The following LRP1 variants were observed in gnomAD, a reference collection of about 807,000 sequenced individuals.
LRP1 encodes LDL receptor related protein 1.
LRP1 carries 51 observed loss-of-function variants against 541.5 expected under a neutral mutation model. The ratio of observed to expected loss-of-function variants is 0.09; its 90% CI spans 0.08 to 0.12. The LOEUF (loss-of-function observed/expected upper bound fraction) is 0.12, where lower values mean the gene tolerates loss of function less well. LRP1 is among the 10% of genes least tolerant of loss of function. The probability of loss-of-function intolerance (pLI) is 1.00; values close to 1 mark genes in which losing one functional copy is unlikely to be tolerated. For synonymous variants in LRP1, 2,219 were observed against 2,470.8 expected (o/e 0.90, Z 3.02); for missense variants, 3,878 against 6,376.2 (o/e 0.61, Z 13.34).
chr12:57,180,806 G>A lies in LRP1; in HGVS notation c.5526G>A (p.Leu1842=), dbSNP rs770576830. The change falls in exon 33 of 89, where the codon CTG becomes CTA. Residue 1842 remains leucine (L), a splice_region_variant and synonymous_variant. Transcript: ENST00000243077. ...HMKVYDESIQ[L]DHKGTNPCSV... The stretch of plus-strand genomic sequence containing the variant: ...AGGTCTATGACGAGAGCATCCAGCT[G>A]GGTAGGTGCGAGGCCGGGCGGCCGC... 1 of 1,613,768 alleles carries A rather than the reference G, an allele frequency of 6.2e-7. No individual in the cohort carries two copies. The highest frequency in any genetic ancestry group is 1.1e-5 in the South Asian group (1 of 91,088).
rs7965424 is a variant in LRP1, at chr12:57,204,088, G to A, written c.10952-322G>A. 139,157 of 242,312 alleles carry A rather than the reference G, an allele frequency of 0.57. 42,567 individuals carry two copies. The highest frequency in any genetic ancestry group is 0.75 in the South Asian group (4,923 of 6,562). 15.0% of individuals were successfully genotyped at this position (242,312 alleles called of 1,614,324 possible). A position where few individuals can be genotyped will look rare whatever the true frequency, so the allele number is the denominator to read the frequency against. On this transcript the variant is annotated intron_variant, in intron 70 of 88. Transcript: ENST00000243077. This position sits in a 1 kb window ranked among gnomAD's most constrained non-coding sequence, Gnocchi z 5.3. ...CCATTCCCAGCCCAGTGCTGTTCCC[G>A]CGTCCCCGCTGTGGAACTACACAGC...
chr12:57,199,518 C>G (rs2036604068), intron 61 of LRP1, 118 bp downstream of exon 61: 3 of 1,138,690 alleles, frequency 2.6e-6, no homozygotes, highest in Non-Finnish European at 3.7e-6. Context: ...CACTGGGAGA[C>G]TCCAGGAGGG....
intron 1 of LRP1, among the ~76,000 whole-genome samples, chr12:57,133,213 G>C (rs1031668663): frequency 5.3e-5 from 8 of 152,130 alleles, no homozygotes; most frequent in South Asian, 2.1e-4. Flanking sequence ...TGGCTGGGGT[G>C]GGGGGAGAAG....
intron 52 of LRP1, 86 bp from the exon 53 acceptor site, chr12:57,195,572 C>A: frequency 6.2e-7 from 1 of 1,601,908 alleles, no homozygotes. Context: ...GCCCACTCTA[C>A]CAGGAGAACC....
rs768138410 is a variant in LRP1, at chr12:57,202,503, C to T, written c.10677C>T (p.Asn3559=). ...GCCGCTGGCAGTGCGACTACGACAA[C>T]GATTGCGGTGACAACTCCGATGAAG... ...VPGRWQCDYD[N]DCGDNSDEES... The change falls in exon 68 of 89, where the codon AAC becomes AAT. Residue 3559 remains asparagine, a synonymous_variant. Coordinates refer to ENST00000243077, the MANE Select transcript of LRP1 (RefSeq NM_002332.3). 19 of 1,613,286 alleles carry T rather than the reference C, an allele frequency of 1.2e-5. No individual in the cohort carries two copies. The highest frequency in any genetic ancestry group is 1.0e-4 in the Admixed American group (6 of 59,982).
chr12:57,164,649 C>G (rs1040006399), intron 15 of LRP1: 1 of 152,060 alleles, frequency 6.6e-6, no homozygotes, highest in African/African-American at 2.4e-5. Flanking sequence ...AAACTGAGGC[C>G]CAAAGTTAGA....
intron 69 of LRP1, 28 bp downstream of exon 69, chr12:57,203,315 A>G: frequency 2.5e-6 from 4 of 1,594,268 alleles, no homozygotes; most frequent in Non-Finnish European, 3.4e-6. Flanking sequence ...AAGGAAGCAG[A>G]TGGCCTCAGA....
rs2036329385 is a variant in LRP1, at chr12:57,189,277, C to T, written c.7032-1528C>T. 6.6e-6 allele frequency among the ~76,000 whole-genome samples: 1 copy of T among 152,160 alleles called. No homozygotes were observed. The highest frequency in any genetic ancestry group is 1.5e-5 in the Non-Finnish European group (1 of 68,036). ...CTCACTGCAGGTGTGAGTAGTTTCACCTGAGGTGTAGGAGTTCCTGGTGGG... is the reference window on the plus strand; with the variant it reads ...CTCACTGCAGGTGTGAGTAGTTTCATCTGAGGTGTAGGAGTTCCTGGTGGG... On this transcript the variant is annotated intron_variant, in intron 42 of 88. Coordinates refer to ENST00000243077, the MANE Select transcript of LRP1 (RefSeq NM_002332.3). This position sits in a 1 kb window ranked among gnomAD's most constrained non-coding sequence, Gnocchi z 4.4.
Position 57,204,846 on chromosome 12 carries a change from C to T in LRP1, c.11194+97C>T. On this transcript the variant is annotated intron_variant, in intron 72 of 88. Coordinates refer to ENST00000243077, the MANE Select transcript of LRP1 (RefSeq NM_002332.3). The surrounding 1 kb of genome is among the most constrained non-coding windows in gnomAD (Gnocchi z 5.3). ...GAGCTGCACTGGGGTTAGGGTTAAC[C>T]AGGAGGACTCGCCCAGGAAGGGGAG... The T allele has an allele frequency of 6.5e-7, 1 of 1,543,818 alleles. No homozygotes were observed. The highest frequency in any genetic ancestry group is 8.8e-7 in the Non-Finnish European group (1 of 1,134,920).
intron 1 of LRP1, among the ~76,000 whole-genome samples, chr12:57,131,053 A>T (rs2035027997): frequency 6.6e-6 from 1 of 152,140 alleles, no homozygotes; most frequent in Non-Finnish European, 1.5e-5. Flanking sequence ...AGCCTAGGGG[A>T]TCCCTTATCC....
At chr12:57,141,904 G>A (rs966490996) in intron 3 of LRP1, among the ~76,000 whole-genome samples, 1 of 152,192 alleles carries the variant, frequency 6.6e-6, no homozygotes, top group Non-Finnish European at 1.5e-5. Context: ...CAGAGGTGCT[G>A]TGACTAAAGC....
In LRP1 at chr12:57,183,263, A is replaced by C; in HGVS notation, c.5663-116A>C. ...TGTGTGTGCTGGGTGGAGGATAGGG[A>C]TGATGGTGGGGGGGGATGATATCAA... On this transcript the variant is annotated intron_variant, in intron 34 of 88. Coordinates refer to ENST00000243077, the MANE Select transcript of LRP1 (RefSeq NM_002332.3). This position sits in a 1 kb window ranked among gnomAD's most constrained non-coding sequence, Gnocchi z 6.1. The C allele has an allele frequency of 8.6e-7, 1 of 1,164,696 alleles. No homozygotes were observed. Among genetic ancestry groups the C allele is most frequent in the South Asian group, 1.4e-5 (1 of 70,056 alleles). The allele number at this position is 1,164,696 out of a possible 1,614,324, so 72.1% of individuals were successfully genotyped here.
chr12:57,205,392 G>A lies in LRP1; in HGVS notation c.11377G>A (p.Gly3793Arg). 1 of 1,608,742 alleles carries A rather than the reference G, an allele frequency of 6.2e-7. No homozygotes were observed. Among genetic ancestry groups the A allele is most frequent in the Non-Finnish European group, 8.5e-7 (1 of 1,179,444 alleles). ...CTGCGCCACCAATGCCAGCATCTGT[G>A]GGGACGAGGCACGCTGCGTGCGCAC... The part of the protein sequence containing the change: ...TSCATNASIC[G>R]DEARCVRTEK... Residue 3793 changes from glycine (G) to arginine (R), a missense_variant, in exon 74 of 89, where the codon GGG (glycine) becomes AGG (arginine). Transcript: ENST00000243077. The surrounding 1 kb of genome is among the most constrained non-coding windows in gnomAD (Gnocchi z 4.6).
chr12:57,211,483 G>A lies in LRP1; in HGVS notation c.13092-4G>A, dbSNP rs773708906. 2 of 1,613,584 alleles carry A rather than the reference G, an allele frequency of 1.2e-6. No homozygotes were observed. The highest frequency in any genetic ancestry group is 3.3e-5 in the Admixed American group (2 of 60,020). On this transcript the variant is annotated splice_region_variant and splice_polypyrimidine_tract_variant and intron_variant, in intron 84 of 88. Transcript: ENST00000243077. The surrounding 1 kb of genome is among the most constrained non-coding windows in gnomAD (Gnocchi z 4.3). Reference sequence around the variant, plus strand: ...CAGCCCCAGCCTCTGATTCCTTCCTGCAGCTGCACGGATGGCCGGGTGGCC... The same window carrying A: ...CAGCCCCAGCCTCTGATTCCTTCCTACAGCTGCACGGATGGCCGGGTGGCC...
chr12:57,142,138 C>T (rs1370349431), intron 3 of LRP1, among the ~76,000 whole-genome samples: 4 of 152,234 alleles, frequency 2.6e-5, no homozygotes, highest in Non-Finnish European at 4.4e-5. Flanking sequence ...ACCAGCTCTA[C>T]AGTCTTTCCC....
Position 57,129,041 on chromosome 12 carries a change from A to T in LRP1, c.67+10A>T. ...GCGGCGGCTATCGACGGTGAGTGAG[A>T]TTCCGCGTCCCCCTTGGACCCCTGG... On this transcript the variant is annotated intron_variant, in intron 1 of 88. Transcript: ENST00000243077. 6.4e-7 allele frequency: 1 copy of T among 1,551,216 alleles called. No homozygotes were observed. The highest frequency in any genetic ancestry group is 2.4e-5 in the East Asian group (1 of 40,840).
rs1476994521 is a variant in LRP1 at position 57,195,415 on chromosome 12, A to C, written c.8437+16A>C. 5.0e-6 allele frequency: 8 copies of C among 1,601,300 alleles called. No homozygotes were observed. The highest frequency in any genetic ancestry group is 5.9e-6 in the Non-Finnish European group (7 of 1,178,402). ...GCTGGTTGCTGTGAGTGGCGGGGCC[A>C]CGTGGAGCGGGTGGACAGCAAATGG... On this transcript the variant is annotated intron_variant, in intron 52 of 88. Coordinates refer to ENST00000243077, the MANE Select transcript of LRP1 (RefSeq NM_002332.3).
In LRP1 at chr12:57,197,508, C is replaced by A. The variant is rs951103006; in HGVS notation, c.9163-37C>A. 3.1e-6 allele frequency: 5 copies of A among 1,613,888 alleles called. No homozygotes were observed. The highest frequency in any genetic ancestry group is 4.2e-6 in the Non-Finnish European group (5 of 1,179,938). ...GATGCAAATGTGGCCCCTGTTGCCA[C>A]AACCGACTTCTGCTGTCCTTCACTC... On this transcript the variant is annotated intron_variant, in intron 57 of 88. Transcript: ENST00000243077. This position sits in a 1 kb window ranked among gnomAD's most constrained non-coding sequence, Gnocchi z 4.5.
rs559186769 is a variant in LRP1 at position 57,159,593 on chromosome 12, G to A, written c.1799-232G>A. 8.9e-4 allele frequency among the ~76,000 whole-genome samples: 136 copies of A among 152,270 alleles called. 1 individual carries two copies. Among genetic ancestry groups the A allele is most frequent in the Middle Eastern group, 6.8e-3 (2 of 294 alleles). ...AGCCATGTAGTTTACCATCTGCCAC[G>A]TGTGGTTTTGAGAGGCTAGCCCTGA... On this transcript the variant is annotated intron_variant, in intron 11 of 88. Transcript: ENST00000243077.
Sources: gnomAD v4.1 joint callset for allele counts (sites outside exome capture counted in the v4.1 genomes callset) on GRCh38, gnomAD v4.1.1 for gene constraint, Gnocchi (gnomAD v3.1) non-coding constraint, MANE v1.5 for transcripts, NCBI Gene and HGNC (gene_info 2026-07-23, HGNC 2026-07-21) for gene names.